The following INHBC variants were observed in gnomAD, a reference collection of about 807,000 sequenced individuals.
The protein encoded by INHBC is inhibin subunit beta C.
Under a neutral mutation model 12.4 loss-of-function variants are expected in INHBC, and 10 were observed. The observed-to-expected ratio is 0.81, with a 90% CI of 0.50 to 1.37. INHBC has a LOEUF of 1.37. Among genes scored for constraint, INHBC ranks in the 40% most tolerant of loss-of-function variants. The pLI is 0.00. For synonymous variants in INHBC, 147 were observed against 171.6 expected, an observed-to-expected ratio of 0.86 and a Z score of 1.12; for missense variants, 382 against 439.4, an observed-to-expected ratio of 0.87 and a Z score of 1.17.
intron 1 of INHBC, among the ~76,000 whole-genome samples, chr12:57,437,812 G>A (rs944205360): frequency 3.3e-5 from 5 of 150,574 alleles, no homozygotes; most frequent in South Asian, 4.2e-4. Flanking sequence ...TTGAGATGGA[G>A]TCTCATTCTG....
chr12:57,435,676 A>T (rs1049532618), intron 1 of INHBC, among the ~76,000 whole-genome samples: 2 of 152,120 alleles, frequency 1.3e-5, no homozygotes, highest in African/African-American at 4.8e-5. Context: ...TCATGTTCCC[A>T]TATATACCTC....
chr12:57,436,375 C>T (rs555552365), intron 1 of INHBC, among the ~76,000 whole-genome samples: 200 of 147,834 alleles, frequency 1.4e-3, no homozygotes, highest in African/African-American at 4.6e-3. Flanking sequence ...ATGTTGGCCA[C>T]GCTGGTCTCG....
chr12:57,440,592 A>T (rs919793512), intron 1 of INHBC, among the ~76,000 whole-genome samples: 1 of 151,996 alleles, frequency 6.6e-6, no homozygotes, highest in Non-Finnish European at 1.5e-5. Flanking sequence ...CAGCCTCCCA[A>T]AGTGCTGGGA....
intron 1 of INHBC, among the ~76,000 whole-genome samples, chr12:57,447,893 AT>A (rs1380038789): frequency 0.02 from 396 of 20,278 alleles, 8 homozygotes; most frequent in Non-Finnish European, 0.027. Flanking sequence ...AAAAAAAAAA[AT>A]ATATATATAT....
chr12:57,448,598 G>A (rs918057240), intron 1 of INHBC, among the ~76,000 whole-genome samples: 5 of 149,820 alleles, frequency 3.3e-5, no homozygotes, highest in Admixed American at 2.7e-4. Context: ...AAATTATGTT[G>A]CTTGACCATG....
chr12:57,437,945 C>T (rs1222017031), intron 1 of INHBC, among the ~76,000 whole-genome samples: 1 of 151,932 alleles, frequency 6.6e-6, no homozygotes, highest in Non-Finnish European at 1.5e-5. Context: ...ACCACTAAAC[C>T]TGGCTAATTT....
intron 1 of INHBC, among the ~76,000 whole-genome samples, chr12:57,439,812 G>T (rs1196986253): frequency 6.6e-6 from 1 of 152,170 alleles, no homozygotes; most frequent in African/African-American, 2.4e-5. Context: ...AAAAAAAAAT[G>T]TTAGATCTTA....
chr12:57,439,296 TC>T (rs1870409126), intron 1 of INHBC, among the ~76,000 whole-genome samples: 1 of 152,124 alleles, frequency 6.6e-6, no homozygotes, highest in African/African-American at 2.4e-5. Flanking sequence ...CCATAAAACT[TC>T]TTATATTCAG....
intron 1 of INHBC, among the ~76,000 whole-genome samples, chr12:57,437,890 A>G (rs1268446470): frequency 6.6e-6 from 1 of 151,724 alleles, no homozygotes; most frequent in Non-Finnish European, 1.5e-5. Flanking sequence ...GGTTCAAGCC[A>G]TTCTCCTGCC....
At chr12:57,439,801 CA>C (rs1012080983) in intron 1 of INHBC, among the ~76,000 whole-genome samples, 2 of 150,750 alleles carry the variant, frequency 1.3e-5, no homozygotes, top group South Asian at 4.2e-4. Flanking sequence ...TTTTAGATCT[CA>C]AAAAAAAATG....
At chr12:57,448,313 G>A (rs950384824) in intron 1 of INHBC, among the ~76,000 whole-genome samples, 5 of 152,118 alleles carry the variant, frequency 3.3e-5, no homozygotes, top group African/African-American at 1.2e-4. Context: ...GCTCACGCCT[G>A]TAATCCCAGC....
intron 1 of INHBC, among the ~76,000 whole-genome samples, chr12:57,438,766 A>G (rs1870401072): frequency 6.6e-6 from 1 of 152,110 alleles, no homozygotes; most frequent in Non-Finnish European, 1.5e-5. Flanking sequence ...CTAACAATTT[A>G]TATCTCTCCC....
intron 1 of INHBC, among the ~76,000 whole-genome samples, chr12:57,445,123 T>A (rs1391613851): frequency 6.6e-6 from 1 of 152,200 alleles, no homozygotes; most frequent in Non-Finnish European, 1.5e-5. Context: ...GTGTAAAGGC[T>A]ATGAGATAGC....
chr12:57,445,772 G>A (rs1461198680), intron 1 of INHBC, among the ~76,000 whole-genome samples: 3 of 126,998 alleles, frequency 2.4e-5, no homozygotes, highest in Non-Finnish European at 4.6e-5. Context: ...ACAGAATCTC[G>A]CTCTGTCATC....
chr12:57,451,772 G>A lies in INHBC; in HGVS notation c.*1750G>A. On this transcript the variant is annotated 3_prime_UTR_variant, in exon 2 of 2. Transcript: ENST00000309668. ...ATGGAAGTTATCCCACCTTTGACTT[G>A]AGGAGACCTTCATCTAAGGAGAATC... 1 of 446,268 alleles carries A rather than the reference G, an allele frequency of 2.2e-6. No individual in the cohort carries two copies. Among genetic ancestry groups the A allele is most frequent in the Admixed American group, 2.5e-5 (1 of 40,430 alleles). 27.6% of individuals were successfully genotyped at this position (446,268 alleles called of 1,614,324 possible).
Position 57,449,574 on chromosome 12 carries a change from A to G in INHBC, c.611A>G (p.Gln204Arg). ...HLTLELVLEG[Q>R]VAQSSVILGG... ...ACCCTGGAGCTGGTACTTGAAGGCC[A>G]GGTAGCCCAGAGCTCAGTCATCCTG... Residue 204 changes from glutamine (Q) to arginine (R), a missense_variant, in exon 2 of 2, where the codon CAG becomes CGG. By Grantham distance (43) the Gln-to-Arg change is conservative. Transcript: ENST00000309668. 1 of 1,614,256 alleles carries G rather than the reference A, an allele frequency of 6.2e-7. No individual in the cohort carries two copies. Among genetic ancestry groups the G allele is most frequent in the Non-Finnish European group, 8.5e-7 (1 of 1,180,046 alleles).
chr12:57,442,431 G>A (rs563638611), intron 1 of INHBC, among the ~76,000 whole-genome samples: 1 of 152,254 alleles, frequency 6.6e-6, no homozygotes, highest in South Asian at 2.1e-4. Context: ...CTAACTATAG[G>A]GTGCTTTGTG....
rs1463686174 is a variant in INHBC, at chr12:57,449,644, TG to T, written c.686del (p.Gly229AlafsTer45). ...CTTTTGTGGCAGCCCGGGTGAGAGTTGGGGGCAAACACCAGATTCACCGACG... is the reference window on the plus strand; with the variant it reads ...CTTTTGTGGCAGCCCGGGTGAGAGTTGGGGCAAACACCAGATTCACCGACG... ...RPFVAARVRVGGKHQIHRRGI... is the reference protein window; with the variant it reads ...RPFVAARVRVXGKHQIHRRGI... On this transcript the variant is annotated frameshift_variant, in exon 2 of 2. Coordinates refer to ENST00000309668, the MANE Select transcript of INHBC (RefSeq NM_005538.4). LOFTEE classifies it high-confidence loss of function. 1.2e-6 allele frequency: 2 copies of T among 1,614,160 alleles called. No individual in the cohort carries two copies. The highest frequency in any genetic ancestry group is 2.2e-5 in the East Asian group (1 of 44,890).
At chr12:57,446,350 G>A (rs966036414) in intron 1 of INHBC, among the ~76,000 whole-genome samples, 1 of 152,132 alleles carries the variant, frequency 6.6e-6, no homozygotes, top group Non-Finnish European at 1.5e-5. Context: ...GTCAGGACCA[G>A]ATATATATAT....
Sources: gnomAD v4.1 joint callset for allele counts (sites outside exome capture counted in the v4.1 genomes callset) on GRCh38, gnomAD v4.1.1 for gene constraint, MANE v1.5 for transcripts, NCBI Gene and HGNC (gene_info 2026-07-23, HGNC 2026-07-21) for gene names.